The following PIEZO2 variants were observed in gnomAD, a reference collection of about 807,000 sequenced individuals.
PIEZO2 encodes the protein piezo-type mechanosensitive ion channel component 2.
In PIEZO2, 172 loss-of-function variants were observed where a neutral mutation model predicts 337.3. The observed-to-expected ratio is 0.51, with a 90% confidence interval of 0.45 to 0.58. The LOEUF is 0.58. Ranked by LOEUF, PIEZO2 falls within the 20% of genes least tolerant of loss-of-function variation. The probability of loss-of-function intolerance (pLI) is 0.00; values close to 1 mark genes in which losing one functional copy is unlikely to be tolerated. For missense variants in PIEZO2, 3,028 were observed against 3,391.3 expected (o/e 0.89, Z 2.66); for synonymous variants, 1,251 against 1,228.5 (o/e 1.02, Z -0.38).
chr18:10,797,015 A>T (rs1008941947), intron 12 of PIEZO2, among the ~76,000 whole-genome samples: 1 of 151,704 alleles, frequency 6.6e-6, no homozygotes, highest in African/African-American at 2.4e-5. Context: ...CATAGCATAC[A>T]TACCATCATA....
chr18:10,696,527 G>A lies in PIEZO2; in HGVS notation c.6840C>T (p.Ile2280=), dbSNP rs775840262. The A allele has an allele frequency of 6.2e-7, 1 of 1,613,348 alleles. No homozygotes were observed. The highest frequency in any genetic ancestry group is 8.5e-7 in the Non-Finnish European group (1 of 1,179,972). Residue 2280 remains isoleucine, a synonymous_variant, in exon 46 of 56, where the codon ATC becomes ATT. Transcript: ENST00000674853. ...AAAAGAACTGTTTGATGGGCACATA[G>A]ATCTCCAGCGTCCTGCAAAATGGAG... ...KAFTIKKTLE[I]YVPIKQFFYN...
intron 3 of PIEZO2, among the ~76,000 whole-genome samples, chr18:10,957,504 T>C (rs887517595): frequency 6.6e-6 from 1 of 151,446 alleles, no homozygotes; most frequent in Admixed American, 6.6e-5. Flanking sequence ...TCTTATACTA[T>C]ATACAAAAAT....
chr18:10,713,619 T>C lies in PIEZO2; in HGVS notation c.5423+1145A>G, dbSNP rs144273593. Among the ~76,000 whole-genome samples, 27 of 152,316 alleles carry C rather than the reference T, an allele frequency of 1.8e-4. No homozygotes were observed. In the East Asian group the frequency reaches 5.2e-3, roughly 29 times the overall value. ...CCAGGGCAAGCATTTTAGGAGGGAA[T>C]GGCCTTATCTCAGTTCTTCCTAGGC... is the stretch of plus-strand genomic sequence containing the variant. On this transcript the variant is annotated intron_variant, in intron 39 of 55. Transcript: ENST00000674853. This position sits in a 1 kb window ranked among gnomAD's most constrained non-coding sequence, Gnocchi z 4.5.
At chr18:11,050,742 T>C (rs936761709) in intron 2 of PIEZO2, among the ~76,000 whole-genome samples, 2 of 151,802 alleles carry the variant, frequency 1.3e-5, no homozygotes, top group East Asian at 1.9e-4. Context: ...CCTCCCTTCC[T>C]ACCCCTTTCT....
rs955901486 is a variant in PIEZO2, at chr18:10,715,837, A to G, written c.5090-21T>C. 3.4e-6 allele frequency: 5 copies of G among 1,486,328 alleles called. No individual in the cohort carries two copies. In the African/African-American group the frequency reaches 5.6e-5, roughly 17 times the overall value. The allele number at this position is 1,486,328 out of a possible 1,614,324, so 92.1% of individuals were successfully genotyped here. A position where few individuals can be genotyped will look rare whatever the true frequency, so the allele number is the denominator to read the frequency against. On this transcript the variant is annotated intron_variant, in intron 37 of 55. Coordinates refer to ENST00000674853, the MANE Select transcript of PIEZO2 (RefSeq NM_001378183.1). ...ATTATCTAGGAGGAAGAAAGGCAACAAGATGTTAAAGGAACAAAATACCAT... is the reference window on the plus strand; with the variant it reads ...ATTATCTAGGAGGAAGAAAGGCAACGAGATGTTAAAGGAACAAAATACCAT...
chr18:10,957,074 A>T (rs1285355610), intron 3 of PIEZO2, among the ~76,000 whole-genome samples: 1 of 151,970 alleles, frequency 6.6e-6, no homozygotes, highest in Non-Finnish European at 1.5e-5. Flanking sequence ...TGTCAAGAAC[A>T]CAAATGGGGA....
chr18:10,939,754 C>T (rs112217703), intron 3 of PIEZO2, among the ~76,000 whole-genome samples: 49 of 152,204 alleles, frequency 3.2e-4, no homozygotes, highest in African/African-American at 1.1e-3. Flanking sequence ...ACAGCACACA[C>T]TGTGGCCTGT....
intron 36 of PIEZO2, among the ~76,000 whole-genome samples, chr18:10,730,753 G>T (rs959746614): frequency 1.3e-5 from 2 of 152,164 alleles, no homozygotes; most frequent in East Asian, 1.9e-4. Flanking sequence ...TTTAGACGGG[G>T]TCTCCCTCTG....
intron 2 of PIEZO2, among the ~76,000 whole-genome samples, chr18:11,036,952 T>A (rs1368257409): frequency 6.6e-6 from 1 of 152,102 alleles, no homozygotes; most frequent in Non-Finnish European, 1.5e-5. Flanking sequence ...TTTTTTTTTC[T>A]TATTTGTGTG....
chr18:11,004,011 C>G (rs994633155), intron 2 of PIEZO2, among the ~76,000 whole-genome samples: 13 of 152,148 alleles, frequency 8.5e-5, no homozygotes, highest in African/African-American at 3.1e-4. Context: ...TGATGGTTTC[C>G]ATGTTTTTCT....
At chr18:11,058,387 C>T (rs960523846) in intron 2 of PIEZO2, among the ~76,000 whole-genome samples, 8 of 152,190 alleles carry the variant, frequency 5.3e-5, no homozygotes, top group African/African-American at 7.2e-5. Context: ...TCCAAAGGAA[C>T]GCAGCTCCTC....
At chr18:10,771,413 G>C (rs934894532) in intron 20 of PIEZO2, among the ~76,000 whole-genome samples, 16 of 152,340 alleles carry the variant, frequency 1.1e-4, no homozygotes, top group African/African-American at 3.8e-4. Context: ...CTATCTAGAA[G>C]GACTATGCTG....
intron 23 of PIEZO2, among the ~76,000 whole-genome samples, chr18:10,761,969 GTTTTA>G (rs1447972213): frequency 1.1e-4 from 17 of 152,072 alleles, no homozygotes; most frequent in Non-Finnish European, 2.2e-4. Context: ...CTAAATATAT[GTTTTA>G]TTTTATTACT....
intron 5 of PIEZO2, among the ~76,000 whole-genome samples, chr18:10,860,868 AT>A (rs1568138764): frequency 6.6e-6 from 1 of 152,170 alleles, no homozygotes; most frequent in Non-Finnish European, 1.5e-5. Context: ...GGCCTTTGTG[AT>A]TTTTATAAAC....
chr18:11,093,788 T>C (rs1206559484), intron 1 of PIEZO2, among the ~76,000 whole-genome samples: 1 of 152,112 alleles, frequency 6.6e-6, no homozygotes, highest in African/African-American at 2.4e-5. Flanking sequence ...AGTTTCAAAT[T>C]GTTAGCCTCA....
At position 10,847,813 on chromosome 18, in the gene PIEZO2, T is replaced by C. The variant is rs1410595920; in HGVS notation, c.917+7540A>G. Among the ~76,000 whole-genome samples, 1 of 152,244 alleles carries C rather than the reference T, an allele frequency of 6.6e-6. No homozygotes were observed. Among genetic ancestry groups the C allele is most frequent in the Non-Finnish European group, 1.5e-5 (1 of 68,042 alleles). ...ATGAAACCTACACTTGTTTATCATG[T>C]ATCATCTGCCAACTTCACAAATTAA... On this transcript the variant is annotated intron_variant, in intron 7 of 55. Transcript: ENST00000674853. The surrounding 1 kb of genome is among the most constrained non-coding windows in gnomAD (Gnocchi z 5.7).
Position 10,716,354 on chromosome 18 carries a change from A to G in PIEZO2, c.5090-538T>C, listed in dbSNP as rs1042761870. 2.6e-5 allele frequency among the ~76,000 whole-genome samples: 4 copies of G among 151,958 alleles called. No individual in the cohort carries two copies. The highest frequency in any genetic ancestry group is 4.8e-5 in the African/African-American group (2 of 41,332). On this transcript the variant is annotated intron_variant, in intron 37 of 55. Coordinates refer to ENST00000674853, the MANE Select transcript of PIEZO2 (RefSeq NM_001378183.1). The surrounding 1 kb of genome is among the most constrained non-coding windows in gnomAD (Gnocchi z 4.1). ...GAATAGGAACTATATTTTCTTTCTGATTTTCTTCATGACATTTTCTCTAGC... is the reference window on the plus strand; with the variant it reads ...GAATAGGAACTATATTTTCTTTCTGGTTTTCTTCATGACATTTTCTCTAGC...
At chr18:11,121,191 G>T (rs1361144766) in intron 1 of PIEZO2, among the ~76,000 whole-genome samples, 3 of 152,174 alleles carry the variant, frequency 2.0e-5, no homozygotes, top group African/African-American at 7.2e-5. Flanking sequence ...GGTGGAGGTT[G>T]CAGTGAGCCA....
chr18:10,715,820 G>A lies in PIEZO2; in HGVS notation c.5090-4C>T. 1 of 1,516,060 alleles carries A rather than the reference G, an allele frequency of 6.6e-7. No individual in the cohort carries two copies. Among genetic ancestry groups the A allele is most frequent in the Non-Finnish European group, 8.8e-7 (1 of 1,133,470 alleles). The allele number at this position is 1,516,060 out of a possible 1,614,324, so 93.9% of individuals were successfully genotyped here. ...AATATCCTCTTGATGATATTATCTA[G>A]GAGGAAGAAAGGCAACAAGATGTTA... On this transcript the variant is annotated splice_region_variant and splice_polypyrimidine_tract_variant and intron_variant, in intron 37 of 55. Transcript: ENST00000674853.
Sources: gnomAD v4.1 joint callset for allele counts (sites outside exome capture counted in the v4.1 genomes callset) on GRCh38, gnomAD v4.1.1 for gene constraint, Gnocchi (gnomAD v3.1) non-coding constraint, MANE v1.5 for transcripts, NCBI Gene and HGNC (gene_info 2026-07-23, HGNC 2026-07-21) for gene names.